RASGRF2: variants seen among roughly 807,000 people sequenced by gnomAD.
The protein encoded by RASGRF2 is ras-specific guanine nucleotide-releasing factor 2.
RASGRF2 carries 76 observed loss-of-function variants against 151.0 expected under a neutral mutation model. That is an observed-to-expected ratio of 0.50 (90% CI 0.42 to 0.61). The LOEUF is 0.61. Ranked by LOEUF, RASGRF2 falls within the 20% of genes least tolerant of loss-of-function variation. RASGRF2 has a pLI of 0.00. For synonymous variants in RASGRF2, 504 were observed against 566.5 expected, an observed-to-expected ratio of 0.89 and a Z score of 1.57; for missense variants, 1,148 against 1,564.6, an observed-to-expected ratio of 0.73 and a Z score of 4.49.
chr5:81,040,086 C>T lies in RASGRF2; in HGVS notation c.289-2791C>T, dbSNP rs376106034. On this transcript the variant is annotated intron_variant, in intron 1 of 26. Transcript: ENST00000265080. ...ATTACTGCTCACTGCATCCTGCAGC[C>T]TTGACTTCCTGGGCTCAAGCAATCC... Among the ~76,000 whole-genome samples the T allele has an allele frequency of 1.6e-4, 24 of 152,282 alleles. No individual in the cohort carries two copies. The South Asian group carries it at 5.0e-3, about 32-fold the overall frequency.
intron 1 of RASGRF2, among the ~76,000 whole-genome samples, chr5:80,965,805 A>G (rs1372104583): frequency 6.6e-6 from 1 of 152,184 alleles, no homozygotes; most frequent in Non-Finnish European, 1.5e-5. Context: ...GTTCATTAAA[A>G]CAATTGCTGA....
intron 1 of RASGRF2, among the ~76,000 whole-genome samples, chr5:80,992,627 AT>A: frequency 6.6e-6 from 1 of 152,302 alleles, no homozygotes; most frequent in East Asian, 1.9e-4. Flanking sequence ...GAGCTTGTTT[AT>A]TGTTTTAATG....
At chr5:81,075,327 G>T (rs1461988540) in intron 5 of RASGRF2, among the ~76,000 whole-genome samples, 1 of 152,176 alleles carries the variant, frequency 6.6e-6, no homozygotes, top group Non-Finnish European at 1.5e-5. Context: ...TGTTGCAAGG[G>T]TGCAATGGGC....
intron 4 of RASGRF2, 26 bp downstream of exon 4, chr5:81,070,607 G>A: frequency 6.5e-7 from 1 of 1,547,010 alleles, no homozygotes; most frequent in Non-Finnish European, 8.9e-7. Flanking sequence ...TTCCAGCTTT[G>A]TAGGAGCATG....
intron 17 of RASGRF2, among the ~76,000 whole-genome samples, chr5:81,157,631 CAA>C (rs1754292326): frequency 6.6e-6 from 1 of 152,064 alleles, no homozygotes; most frequent in Non-Finnish European, 1.5e-5. Flanking sequence ...TTTATAAAGA[CAA>C]GAGGTTTAAT....
At chr5:81,222,321 A>G (rs1414320052) in intron 26 of RASGRF2, among the ~76,000 whole-genome samples, 1 of 152,130 alleles carries the variant, frequency 6.6e-6, no homozygotes, top group Non-Finnish European at 1.5e-5. Context: ...CTTATCTGTA[A>G]ATTCCCTCTC....
chr5:81,142,693 T>G (rs558474180), intron 17 of RASGRF2, among the ~76,000 whole-genome samples: 39 of 152,370 alleles, frequency 2.6e-4, no homozygotes, highest in African/African-American at 8.9e-4. Context: ...GGACAGGCTA[T>G]GTGCTTTGCA....
At chr5:81,184,605 G>A (rs2112682792) in intron 18 of RASGRF2, among the ~76,000 whole-genome samples, 1 of 152,324 alleles carries the variant, frequency 6.6e-6, no homozygotes, top group Middle Eastern at 3.4e-3. Flanking sequence ...TCTGGGTACT[G>A]TCTGAATGAC....
chr5:81,110,245 T>C (rs1000190614), intron 13 of RASGRF2, among the ~76,000 whole-genome samples: 3 of 152,224 alleles, frequency 2.0e-5, no homozygotes, highest in South Asian at 4.1e-4. Flanking sequence ...CCAATTATAA[T>C]AGATGATTTG....
chr5:80,971,633 A>G (rs1378086112), intron 1 of RASGRF2, among the ~76,000 whole-genome samples: 1 of 149,878 alleles, frequency 6.7e-6, no homozygotes, highest in Non-Finnish European at 1.5e-5. Flanking sequence ...TGGCATGATC[A>G]TGGCTCACTG....
chr5:81,178,847 T>C (rs1174973381), intron 17 of RASGRF2, among the ~76,000 whole-genome samples: 2 of 152,150 alleles, frequency 1.3e-5, no homozygotes, highest in Non-Finnish European at 2.9e-5. Context: ...CACGCCATTC[T>C]CCTGCCTCAG....
intron 26 of RASGRF2, among the ~76,000 whole-genome samples, chr5:81,221,930 T>C (rs554176095): frequency 6.6e-6 from 1 of 152,074 alleles, no homozygotes; most frequent in South Asian, 2.1e-4. Context: ...TGAGCCAAGA[T>C]TGTGCCATTG....
intron 2 of RASGRF2, among the ~76,000 whole-genome samples, chr5:81,048,710 C>G (rs570869408): frequency 6.6e-6 from 1 of 152,322 alleles, no homozygotes; most frequent in South Asian, 2.1e-4. Context: ...TCCAGGAGAA[C>G]CATCCCCGGT....
intron 15 of RASGRF2, among the ~76,000 whole-genome samples, chr5:81,120,797 A>G (rs1753286328): frequency 6.6e-6 from 1 of 152,232 alleles, no homozygotes; most frequent in Non-Finnish European, 1.5e-5. Flanking sequence ...TGTGATTCAT[A>G]TTGAAGGCTA....
At chr5:81,129,202 A>T (rs1753551266) in intron 17 of RASGRF2, among the ~76,000 whole-genome samples, 1 of 152,220 alleles carries the variant, frequency 6.6e-6, no homozygotes, top group African/African-American at 2.4e-5. Context: ...GTCTTCACCT[A>T]AACTAAACCT....
chr5:81,055,079 C>A (rs1423614039), intron 2 of RASGRF2, among the ~76,000 whole-genome samples: 1 of 152,172 alleles, frequency 6.6e-6, no homozygotes, highest in Non-Finnish European at 1.5e-5. Context: ...CAAACGGGGA[C>A]AATTTGACTT....
intron 1 of RASGRF2, among the ~76,000 whole-genome samples, chr5:81,011,853 A>G (rs1387533989): frequency 6.6e-6 from 1 of 152,010 alleles, no homozygotes; most frequent in East Asian, 1.9e-4. Flanking sequence ...TTCTTTATCC[A>G]TTTGCAAACA....
chr5:81,080,516 C>G (rs562745253), intron 6 of RASGRF2, 80 bp from the exon 7 acceptor site: 6 of 1,387,776 alleles, frequency 4.3e-6, no homozygotes, highest in African/African-American at 1.4e-5. Flanking sequence ...GTGCTGGGAC[C>G]CACTCTTTGC....
At chr5:81,205,229 C>G (rs910003664) in intron 19 of RASGRF2, among the ~76,000 whole-genome samples, 3 of 152,170 alleles carry the variant, frequency 2.0e-5, no homozygotes, top group Non-Finnish European at 2.9e-5. Flanking sequence ...TCCTGCTCCC[C>G]CTTCAGACAG....
Sources: allele counts gnomAD v4.1 joint callset (sites outside exome capture counted in the v4.1 genomes callset), GRCh38; gene constraint gnomAD v4.1.1; transcripts MANE v1.5; gene names NCBI Gene and HGNC (gene_info 2026-07-23, HGNC 2026-07-21).